The following ATP8B4 variants were observed in gnomAD, a reference collection of about 807,000 sequenced individuals.
ATP8B4 encodes ATPase phospholipid transporting 8B4 (putative), also known as probable phospholipid-transporting ATPase IM.
In ATP8B4, 133 loss-of-function variants were observed where a neutral mutation model predicts 145.6. That is an observed-to-expected ratio of 0.91 (90% CI 0.79 to 1.05). The LOEUF (loss-of-function observed/expected upper bound fraction) is 1.05, where lower values mean the gene tolerates loss of function less well. Among genes scored for constraint, ATP8B4 ranks in the 50% least tolerant of loss-of-function variants. The pLI is 0.00. For synonymous variants in ATP8B4, 507 were observed against 492.9 expected, an observed-to-expected ratio of 1.03 and a Z score of -0.38; for missense variants, 1,458 against 1,425.2, an observed-to-expected ratio of 1.02 and a Z score of -0.37.
chr15:49,984,693 C>G (rs993455691), intron 10 of ATP8B4, among the ~76,000 whole-genome samples: 1 of 151,984 alleles, frequency 6.6e-6, no homozygotes, highest in Non-Finnish European at 1.5e-5. Context: ...ATCCCCGAGA[C>G]AAAGCCCAAC....
intron 1 of ATP8B4, among the ~76,000 whole-genome samples, chr15:50,109,298 C>T (rs2056831129): frequency 6.6e-6 from 1 of 152,140 alleles, no homozygotes; most frequent in Non-Finnish European, 1.5e-5. Flanking sequence ...GACTTCCTGT[C>T]AAAAATACCA....
At chr15:49,886,571 T>C (rs1279770861) in intron 23 of ATP8B4, among the ~76,000 whole-genome samples, 2 of 152,238 alleles carry the variant, frequency 1.3e-5, no homozygotes, top group Non-Finnish European at 2.9e-5. Context: ...ATGGTAGCCA[T>C]GAGATCAATA....
intron 14 of ATP8B4, among the ~76,000 whole-genome samples, chr15:49,951,594 A>G (rs188402255): frequency 2.0e-5 from 3 of 152,072 alleles, no homozygotes; most frequent in Non-Finnish European, 4.4e-5. Context: ...TTCTTTGCAC[A>G]TAAGATGAGT....
chr15:50,116,428 T>C (rs1377323069), intron 1 of ATP8B4, among the ~76,000 whole-genome samples: 1 of 151,998 alleles, frequency 6.6e-6, no homozygotes, highest in Non-Finnish European at 1.5e-5. Flanking sequence ...GAAGAAGGAA[T>C]TGGGATGAAA....
intron 16 of ATP8B4, among the ~76,000 whole-genome samples, chr15:49,926,182 G>A (rs1025479159): frequency 1.3e-5 from 2 of 151,964 alleles, no homozygotes; most frequent in Non-Finnish European, 2.9e-5. Context: ...CTGCACATCC[G>A]ACTACCAGTT....
At chr15:50,021,939 T>C (rs1388825067) in intron 6 of ATP8B4, among the ~76,000 whole-genome samples, 1 of 152,170 alleles carries the variant, frequency 6.6e-6, no homozygotes, top group Non-Finnish European at 1.5e-5. Context: ...AGTAATAGTT[T>C]CACAAGGCTA....
intron 9 of ATP8B4, among the ~76,000 whole-genome samples, chr15:49,994,667 A>G (rs17496768): frequency 0.063 from 9,605 of 152,076 alleles, 356 homozygotes; most frequent in South Asian, 0.12. Context: ...TTGAGAGTGT[A>G]AGGAGTCATG....
intron 3 of ATP8B4, among the ~76,000 whole-genome samples, chr15:50,056,194 C>T (rs1446551520): frequency 6.6e-6 from 1 of 152,122 alleles, no homozygotes; most frequent in Non-Finnish European, 1.5e-5. Context: ...GAGCAGAGGG[C>T]ACATATCCCC....
At chr15:50,175,217 C>G (rs1192141432) in intron 1 of ATP8B4, among the ~76,000 whole-genome samples, 2 of 152,098 alleles carry the variant, frequency 1.3e-5, no homozygotes, top group Non-Finnish European at 2.9e-5. Context: ...TGGAAAAACC[C>G]TCTAGACATT....
Position 49,889,434 on chromosome 15 carries a change from G to A in ATP8B4, c.2697+7858C>T, listed in dbSNP as rs142910823. ...TAGGAAACAAAAGGGAGTCTGGTCC[G>A]CGGGTTCTTTTCACTGTACATCTCA... On this transcript the variant is annotated intron_variant, in intron 23 of 27. Transcript: ENST00000284509. 2.0e-3 allele frequency among the ~76,000 whole-genome samples: 310 copies of A among 152,316 alleles called. 1 individual carries two copies. The highest frequency in any genetic ancestry group is 6.8e-3 in the African/African-American group (283 of 41,572).
At chr15:50,164,019 T>C (rs2044559604) in intron 1 of ATP8B4, among the ~76,000 whole-genome samples, 1 of 152,118 alleles carries the variant, frequency 6.6e-6, no homozygotes, top group Non-Finnish European at 1.5e-5. Flanking sequence ...GAGTCTCTCT[T>C]CTGGGCAGTG....
intron 14 of ATP8B4, among the ~76,000 whole-genome samples, chr15:49,954,348 C>G (rs897144321): frequency 2.0e-4 from 30 of 152,140 alleles, no homozygotes; most frequent in African/African-American, 5.6e-4. Flanking sequence ...CCTAATTACA[C>G]TAAAGAGCTT....
intron 14 of ATP8B4, among the ~76,000 whole-genome samples, chr15:49,960,384 A>C (rs549419641): frequency 8.5e-5 from 13 of 152,348 alleles, no homozygotes; most frequent in South Asian, 6.2e-4. Context: ...AACACATCAA[A>C]AATTCAGTAA....
intron 6 of ATP8B4, among the ~76,000 whole-genome samples, chr15:50,034,316 C>T (rs1273359044): frequency 6.7e-6 from 1 of 150,238 alleles, no homozygotes; most frequent in African/African-American, 2.4e-5. Context: ...CTGCAACCTC[C>T]CCCTCTGGGT....
At chr15:50,138,326 G>GTATA (rs2044154979) in intron 1 of ATP8B4, among the ~76,000 whole-genome samples, 1 of 148,118 alleles carries the variant, frequency 6.8e-6, no homozygotes, top group South Asian at 2.2e-4. Context: ...AGATAGATAG[G>GTATA]TAGATAGATA....
intron 27 of ATP8B4, 93 bp from the exon 28 acceptor site, chr15:49,860,568 A>G: frequency 7.4e-7 from 1 of 1,346,986 alleles, no homozygotes; most frequent in South Asian, 1.6e-5. Context: ...TTTTTTTTTT[A>G]TAAGTAAAAA....
chr15:50,019,083 C>G (rs1455820270), intron 6 of ATP8B4: 2 of 549,452 alleles, frequency 3.6e-6, no homozygotes, highest in Non-Finnish European at 6.4e-6. Flanking sequence ...AAGACTCTGT[C>G]CCTGTCCTTT....
intron 5 of ATP8B4, among the ~76,000 whole-genome samples, chr15:50,043,651 T>G (rs142656931): frequency 5.3e-4 from 81 of 152,352 alleles, no homozygotes; most frequent in African/African-American, 1.9e-3. Flanking sequence ...CTAGCTTACT[T>G]TATTATAAGA....
At chr15:49,997,910 T>C (rs1026334148) in intron 8 of ATP8B4, among the ~76,000 whole-genome samples, 1 of 152,098 alleles carries the variant, frequency 6.6e-6, no homozygotes, top group Non-Finnish European at 1.5e-5. Flanking sequence ...GAGTAGGAAT[T>C]GAGATAGTCA....
Sources: gnomAD v4.1 joint callset for allele counts (sites outside exome capture counted in the v4.1 genomes callset) on GRCh38, gnomAD v4.1.1 for gene constraint, MANE v1.5 for transcripts, NCBI Gene and HGNC (gene_info 2026-07-23, HGNC 2026-07-21) for gene names.